The following MARCHF8 variants were observed in gnomAD, a reference collection of about 807,000 sequenced individuals.
MARCHF8 encodes E3 ubiquitin-protein ligase MARCHF8.
MARCHF8 carries 40 observed loss-of-function variants against 51.6 expected under a neutral mutation model. The observed-to-expected ratio is 0.77, with a 90% CI of 0.60 to 1.01. The LOEUF (loss-of-function observed/expected upper bound fraction) is 1.01. Ranked by LOEUF, MARCHF8 falls within the 50% of genes least tolerant of loss-of-function variation. The pLI, the probability that MARCHF8 is intolerant of heterozygous loss-of-function variation, is 0.00. For synonymous variants in MARCHF8, 263 were observed against 280.3 expected (o/e 0.94, Z 0.62); for missense variants, 685 against 708.6 (o/e 0.97, Z 0.38).
chr10:45,468,527 C>T (rs1370496801), intron 3 of MARCHF8, among the ~76,000 whole-genome samples: 1 of 152,170 alleles, frequency 6.6e-6, no homozygotes, highest in Non-Finnish European at 1.5e-5. Flanking sequence ...GCAAATTTGC[C>T]CATCTGATTT....
rs544641292 is a variant in MARCHF8 at position 45,495,075 on chromosome 10, G to A, written c.103-5658C>T. Among the ~76,000 whole-genome samples the A allele has an allele frequency of 7.9e-5, 12 of 151,382 alleles. No homozygotes were observed. The South Asian group carries it at 8.4e-4, about 11-fold the overall frequency. ...GCAGAGGTTGCAGTGAGCCGAGATC[G>A]CGCGACTGAACTCCAGCCTGGGCAA... On this transcript the variant is annotated intron_variant, in intron 2 of 7. Coordinates refer to ENST00000453424, the MANE Select transcript of MARCHF8 (RefSeq NM_001282866.2).
At chr10:45,581,401 G>C (rs975239157) in intron 1 of MARCHF8, among the ~76,000 whole-genome samples, 24 of 152,174 alleles carry the variant, frequency 1.6e-4, no homozygotes, top group Non-Finnish European at 3.1e-4. Context: ...CCAGTGGTTA[G>C]AGGAGACCTG....
chr10:45,542,296 G>A (rs987493564), intron 1 of MARCHF8, among the ~76,000 whole-genome samples: 22 of 134,774 alleles, frequency 1.6e-4, no homozygotes, highest in Non-Finnish European at 3.0e-4. Context: ...GTAGTGAGCC[G>A]AGACCGTCCT....
Position 45,533,186 on chromosome 10 carries a change from GA to G in MARCHF8, c.25del (p.Ser9LeufsTer35), listed in dbSNP as rs1356776926. On this transcript the variant is annotated frameshift_variant, in exon 2 of 8. Transcript: ENST00000453424. LOFTEE classifies it high-confidence loss of function. MSMPLHQI[S>X]AIPSQDAISA... ...GATGGCATCCTGGGATGGAATGGCA[GA>G]GATCTGATGCAGTGGCATGCTCATC... is the stretch of plus-strand genomic sequence containing the variant. 1.2e-6 allele frequency: 2 copies of G among 1,611,970 alleles called. No homozygotes were observed. The highest frequency in any genetic ancestry group is 1.1e-5 in the South Asian group (1 of 90,770).
intron 1 of MARCHF8, among the ~76,000 whole-genome samples, chr10:45,574,722 T>C (rs1432312027): frequency 1.3e-5 from 2 of 152,204 alleles, no homozygotes; most frequent in Non-Finnish European, 2.9e-5. Context: ...GCTGCCTTAA[T>C]ACTTTCAGAG....
intron 2 of MARCHF8, among the ~76,000 whole-genome samples, chr10:45,528,544 C>T (rs1291981328): frequency 6.6e-6 from 1 of 152,172 alleles, no homozygotes; most frequent in East Asian, 1.9e-4. Flanking sequence ...AGCGCAGCCT[C>T]GACCTCCTGG....
At chr10:45,517,689 C>T (rs953272948) in intron 2 of MARCHF8, among the ~76,000 whole-genome samples, 1 of 152,194 alleles carries the variant, frequency 6.6e-6, no homozygotes, top group Non-Finnish European at 1.5e-5. Flanking sequence ...TCAGGTATTT[C>T]TTTACAGCAA....
chr10:45,493,217 C>T (rs1196488849), intron 2 of MARCHF8, among the ~76,000 whole-genome samples: 1 of 152,108 alleles, frequency 6.6e-6, no homozygotes, highest in Non-Finnish European at 1.5e-5. Context: ...GTAAAGTTTG[C>T]CAAGCATCAA....
At chr10:45,512,323 G>A (rs1407736488) in intron 2 of MARCHF8, among the ~76,000 whole-genome samples, 7 of 151,022 alleles carry the variant, frequency 4.6e-5, no homozygotes, top group East Asian at 4.0e-4. Flanking sequence ...GTCTCCGCCC[G>A]GCAGCCACCC....
chr10:45,552,525 T>TA (rs1231223744), intron 1 of MARCHF8, among the ~76,000 whole-genome samples: 35 of 152,034 alleles, frequency 2.3e-4, no homozygotes, highest in African/African-American at 6.8e-4. Context: ...TATCACGTCT[T>TA]AGAGATTTTT....
chr10:45,592,432 A>G (rs2044691018), intron 1 of MARCHF8, among the ~76,000 whole-genome samples: 2 of 152,162 alleles, frequency 1.3e-5, no homozygotes, highest in Non-Finnish European at 2.9e-5. Flanking sequence ...CCACAAACCT[A>G]GGGAACAGGT....
Position 45,533,135 on chromosome 10 carries a change from G to T in MARCHF8, c.77C>A (p.Thr26Asn), listed in dbSNP as rs2043915104. 1 of 1,610,628 alleles carries T rather than the reference G, an allele frequency of 6.2e-7. No homozygotes were observed. The highest frequency in any genetic ancestry group is 1.1e-5 in the South Asian group (1 of 90,418). ...CTGTTCTTCCCTCTCCTTTTCTTTG[G>T]TCTTACTTCTGTAGACTCTAGCAGA... ...AISARVYRSKTKEKEREEQNE... is the reference protein window; with the variant it reads ...AISARVYRSKNKEKEREEQNE... The change falls in exon 2 of 8, where the codon ACC (threonine) becomes AAC (asparagine). Residue 26 changes from threonine to asparagine, a missense_variant. Thr to Asn is a moderately conservative substitution (Grantham distance 65). Transcript: ENST00000453424.
intron 2 of MARCHF8, among the ~76,000 whole-genome samples, chr10:45,519,007 A>C (rs2043664203): frequency 6.6e-6 from 1 of 152,228 alleles, no homozygotes; most frequent in South Asian, 2.1e-4. Flanking sequence ...ACCACCTTGT[A>C]AAAGCTCTAA....
chr10:45,577,021 C>T (rs990526563), intron 1 of MARCHF8, among the ~76,000 whole-genome samples: 4 of 147,094 alleles, frequency 2.7e-5, no homozygotes, highest in South Asian at 2.2e-4. Context: ...AATATTAAGA[C>T]TTGAGGACTT....
At chr10:45,499,207 T>C (rs945299638) in intron 2 of MARCHF8, among the ~76,000 whole-genome samples, 1 of 152,236 alleles carries the variant, frequency 6.6e-6, no homozygotes, top group African/African-American at 2.4e-5. Flanking sequence ...ATCAATGATG[T>C]TGACCATCTT....
chr10:45,538,291 C>T (rs1379466037), upstream of MARCHF8, among the ~76,000 whole-genome samples: 1 of 152,156 alleles, frequency 6.6e-6, no homozygotes, highest in Non-Finnish European at 1.5e-5. Flanking sequence ...ACCACCAGGC[C>T]TGCCCTAAAA....
At chr10:45,514,902 G>A (rs2043593704) in intron 2 of MARCHF8, among the ~76,000 whole-genome samples, 1 of 152,034 alleles carries the variant, frequency 6.6e-6, no homozygotes, top group Non-Finnish European at 1.5e-5. Flanking sequence ...TCTGGATGCA[G>A]AAAAAGCAGC....
intron 1 of MARCHF8, among the ~76,000 whole-genome samples, chr10:45,540,786 G>T (rs954738479): frequency 1.9e-4 from 29 of 152,288 alleles, no homozygotes; most frequent in Non-Finnish European, 3.4e-4. Context: ...CTCAAAAGAA[G>T]ACATTTATGC....
intron 3 of MARCHF8, among the ~76,000 whole-genome samples, chr10:45,477,082 A>T (rs925691523): frequency 6.6e-6 from 1 of 152,232 alleles, no homozygotes; most frequent in African/African-American, 2.4e-5. Flanking sequence ...AAGCCTAAAA[A>T]TAGCAAGAAA....
Sources: allele counts gnomAD v4.1 joint callset (sites outside exome capture counted in the v4.1 genomes callset), GRCh38; gene constraint gnomAD v4.1.1; transcripts MANE v1.5; gene names NCBI Gene and HGNC (gene_info 2026-07-23, HGNC 2026-07-21).